Variants in FNDC3B observed in about 807,000 individuals in gnomAD.
FNDC3B encodes the protein fibronectin type III domain-containing protein 3B.
In FNDC3B, 12 loss-of-function variants were observed where a neutral mutation model predicts 151.5. The ratio of observed to expected loss-of-function variants is 0.08; its 90% confidence interval spans 0.05 to 0.13. FNDC3B has a LOEUF of 0.13. Among genes scored for constraint, FNDC3B ranks in the 10% least tolerant of loss-of-function variants. FNDC3B has a pLI of 1.00. For synonymous variants in FNDC3B, 528 were observed against 549.0 expected (o/e 0.96, Z 0.54); for missense variants, 1,214 against 1,505.3 (o/e 0.81, Z 3.20).
intron 3 of FNDC3B, among the ~76,000 whole-genome samples, chr3:172,140,354 C>A (rs999864734): frequency 1.3e-5 from 2 of 152,062 alleles, no homozygotes; most frequent in African/African-American, 4.8e-5. Context: ...TTCCATTTTC[C>A]ATGATTGGAT....
chr3:172,267,551 A>G (rs1266477932), intron 6 of FNDC3B, among the ~76,000 whole-genome samples: 1 of 152,222 alleles, frequency 6.6e-6, no homozygotes, highest in African/African-American at 2.4e-5. Context: ...GTGGACGTGC[A>G]TGTGTATTCA....
At chr3:172,276,856 G>A (rs904319890) in intron 6 of FNDC3B, among the ~76,000 whole-genome samples, 15 of 152,166 alleles carry the variant, frequency 9.9e-5, no homozygotes, top group African/African-American at 3.4e-4. Context: ...TTCTGTTCTA[G>A]ATTAAGAGAG....
At chr3:172,386,381 A>G (rs1735709141) in intron 25 of FNDC3B, among the ~76,000 whole-genome samples, 1 of 152,224 alleles carries the variant, frequency 6.6e-6, no homozygotes, top group Non-Finnish European at 1.5e-5. Context: ...GTGAGAAATT[A>G]TTACCTATTG....
At chr3:172,252,209 G>A (rs1728117485) in intron 6 of FNDC3B, among the ~76,000 whole-genome samples, 1 of 152,102 alleles carries the variant, frequency 6.6e-6, no homozygotes, top group Admixed American at 6.5e-5. Context: ...AGGTAGTTTA[G>A]AGAGAACCTA....
At chr3:172,090,808 T>G (rs1489971408) in intron 1 of FNDC3B, among the ~76,000 whole-genome samples, 2 of 152,222 alleles carry the variant, frequency 1.3e-5, no homozygotes, top group East Asian at 3.8e-4. Context: ...TGTGACTGGT[T>G]GCAGCCAAAA....
At chr3:172,122,025 A>G (rs577016000) in intron 2 of FNDC3B, among the ~76,000 whole-genome samples, 24 of 152,246 alleles carry the variant, frequency 1.6e-4, no homozygotes, top group African/African-American at 4.8e-5. Flanking sequence ...AAAGTAGTCT[A>G]TAAACACAGG....
chr3:172,286,452 G>C (rs76999745), intron 7 of FNDC3B, among the ~76,000 whole-genome samples: 1 of 152,194 alleles, frequency 6.6e-6, no homozygotes. Context: ...GGTCGAAGTG[G>C]TGAGGTTTTG....
chr3:172,270,632 AC>A (rs527809797), intron 6 of FNDC3B, among the ~76,000 whole-genome samples: 25 of 152,138 alleles, frequency 1.6e-4, no homozygotes, highest in Admixed American at 2.6e-4. Flanking sequence ...TCTTCATGAC[AC>A]CCACCACTAG....
chr3:172,135,510 A>C (rs1246081209), intron 3 of FNDC3B, among the ~76,000 whole-genome samples: 2 of 152,170 alleles, frequency 1.3e-5, no homozygotes, highest in Non-Finnish European at 2.9e-5. Flanking sequence ...AGAATTGTGG[A>C]GCCATTATCT....
chr3:172,133,191 C>T (rs1054693139), intron 2 of FNDC3B, among the ~76,000 whole-genome samples: 4 of 152,038 alleles, frequency 2.6e-5, no homozygotes, highest in African/African-American at 4.8e-5. Flanking sequence ...TTTGTGAAAG[C>T]GAAAAGGGAA....
intron 3 of FNDC3B, among the ~76,000 whole-genome samples, chr3:172,189,267 T>C (rs1221651109): frequency 6.6e-6 from 1 of 152,206 alleles, no homozygotes; most frequent in Non-Finnish European, 1.5e-5. Context: ...GTTAATCGTA[T>C]TTTTCAAGAT....
chr3:172,289,278 T>C (rs1730190899), intron 7 of FNDC3B, among the ~76,000 whole-genome samples: 1 of 152,214 alleles, frequency 6.6e-6, no homozygotes, highest in Non-Finnish European at 1.5e-5. Context: ...CTCACATGCC[T>C]GTCTCTCACT....
intron 6 of FNDC3B, among the ~76,000 whole-genome samples, chr3:172,253,656 T>C (rs1490789557): frequency 1.3e-5 from 2 of 152,234 alleles, no homozygotes; most frequent in Admixed American, 1.3e-4. Context: ...TCATATGTGG[T>C]TTGCACAAGA....
chr3:172,134,069 G>A (rs754879607), intron 3 of FNDC3B, among the ~76,000 whole-genome samples: 1 of 152,186 alleles, frequency 6.6e-6, no homozygotes, highest in Admixed American at 6.5e-5. Context: ...TTTGGCCCCC[G>A]ATGATTCATG....
intron 4 of FNDC3B, among the ~76,000 whole-genome samples, chr3:172,229,781 G>A (rs1002543891): frequency 6.6e-6 from 1 of 152,240 alleles, no homozygotes; most frequent in African/African-American, 2.4e-5. Context: ...TGATTTGCAT[G>A]TTTAAAGAGA....
chr3:172,373,190 T>A (rs1334917367), intron 23 of FNDC3B, among the ~76,000 whole-genome samples: 2 of 152,186 alleles, frequency 1.3e-5, no homozygotes, highest in Non-Finnish European at 2.9e-5. Context: ...AGTGAGAGTT[T>A]TTCACCATTT....
At chr3:172,046,002 G>T (rs991983898) in intron 1 of FNDC3B, among the ~76,000 whole-genome samples, 2 of 152,072 alleles carry the variant, frequency 1.3e-5, no homozygotes, top group Non-Finnish European at 2.9e-5. Context: ...AGCTCACCTG[G>T]AGGGGAGTTT....
chr3:172,068,120 G>A (rs1184091547), intron 1 of FNDC3B, among the ~76,000 whole-genome samples: 2 of 152,112 alleles, frequency 1.3e-5, no homozygotes, highest in Non-Finnish European at 2.9e-5. Context: ...CTTTTCAGGG[G>A]ATTCTATTTT....
intron 22 of FNDC3B, 112 bp from the exon 23 acceptor site, chr3:172,362,519 CTA>C (rs1734418160): frequency 1.2e-6 from 1 of 810,726 alleles, no homozygotes; most frequent in Non-Finnish European, 2.0e-6. Flanking sequence ...TTTCTTCATT[CTA>C]TGTTATTGCT....
Sources: allele counts gnomAD v4.1 joint callset (sites outside exome capture counted in the v4.1 genomes callset), GRCh38; gene constraint gnomAD v4.1.1; transcripts MANE v1.5; gene names NCBI Gene and HGNC (gene_info 2026-07-23, HGNC 2026-07-21).